The following DLGAP2 variants were observed in gnomAD, a reference collection of about 807,000 sequenced individuals.
DLGAP2 encodes disks large-associated protein 2.
In DLGAP2, 26 loss-of-function variants were observed where a neutral mutation model predicts 100.3. That is an observed-to-expected ratio of 0.26 (90% CI 0.19 to 0.36). The LOEUF is 0.36. Ranked by LOEUF, DLGAP2 falls within the 10% of genes least tolerant of loss-of-function variation. DLGAP2 has a pLI of 1.00. For missense variants in DLGAP2, 1,858 were observed against 1,453.2 expected, an observed-to-expected ratio of 1.28 and a Z score of -4.53; for synonymous variants, 886 against 630.1, an observed-to-expected ratio of 1.41 and a Z score of -6.08.
rs115027859 is a variant in DLGAP2, at chr8:1,049,259, A to G, written c.73+141293A>G. On this transcript the variant is annotated intron_variant, in intron 2 of 14. Transcript: ENST00000637795. ...AGTTTTATGCAAACGGGGGAAATGT[A>G]TAATAAAATGGCGAGTTTTATGCAA... Among the ~76,000 whole-genome samples the G allele has an allele frequency of 6.3e-3, 958 of 152,298 alleles. 14 individuals carry two copies. The highest frequency in any genetic ancestry group is 0.022 in the African/African-American group (904 of 41,554).
chr8:770,267 G>T (rs552630633), intron 1 of DLGAP2, among the ~76,000 whole-genome samples: 1 of 152,108 alleles, frequency 6.6e-6, no homozygotes, highest in Non-Finnish European at 1.5e-5. Flanking sequence ...CGTGCGTGGC[G>T]TGCGTGGCTC....
At chr8:1,222,169 A>C (rs952912247) in intron 2 of DLGAP2, among the ~76,000 whole-genome samples, 4 of 152,178 alleles carry the variant, frequency 2.6e-5, no homozygotes, top group African/African-American at 4.8e-5. Flanking sequence ...TTTTAGAGTT[A>C]CCAGAGTTGT....
rs566095806 is a variant in DLGAP2, at chr8:1,549,146, C to T, written c.693C>T (p.His231=). ...QRSESPGRIR[H]LVHSVQKLFT... ...GCGAGAGCCCCGGGCGGATCCGCCA[C>T]CTGGTACACTCCGTGCAGAAGCTCT... Residue 231 remains histidine (H), a synonymous_variant, in exon 5 of 15, where the codon CAC becomes CAT. Transcript: ENST00000637795. The T allele has an allele frequency of 6.3e-6, 10 of 1,594,278 alleles. No individual in the cohort carries two copies. The highest frequency in any genetic ancestry group is 2.3e-5 in the East Asian group (1 of 43,788).
chr8:1,292,884 C>T (rs1800092107), intron 3 of DLGAP2, among the ~76,000 whole-genome samples: 2 of 152,280 alleles, frequency 1.3e-5, no homozygotes, highest in South Asian at 4.2e-4. Context: ...ACAGTGCCCA[C>T]CCCGTGCGTG....
intron 2 of DLGAP2, among the ~76,000 whole-genome samples, chr8:1,161,516 A>C (rs937021981): frequency 2.0e-5 from 3 of 152,194 alleles, no homozygotes; most frequent in Admixed American, 2.0e-4. Context: ...GGGGGCCGGC[A>C]CAGGGAGAAG....
At chr8:877,856 C>T (rs1797714808) in intron 1 of DLGAP2, among the ~76,000 whole-genome samples, 1 of 152,236 alleles carries the variant, frequency 6.6e-6, no homozygotes, top group Non-Finnish European at 1.5e-5. Context: ...CCATAACCAT[C>T]TGCTTTTGTC....
chr8:1,251,588 G>A (rs1236016641), intron 2 of DLGAP2, among the ~76,000 whole-genome samples: 1 of 152,154 alleles, frequency 6.6e-6, no homozygotes, highest in East Asian at 1.9e-4. Context: ...TGCAAGCCAC[G>A]GTGCCTGGCT....
At chr8:1,475,861 A>T (rs1321055014) in intron 3 of DLGAP2, among the ~76,000 whole-genome samples, 1 of 152,102 alleles carries the variant, frequency 6.6e-6, no homozygotes, top group Admixed American at 6.5e-5. Context: ...TTCAGGTCCC[A>T]TTTCTTGTTT....
Position 812,516 on chromosome 8 carries a change from G to C in DLGAP2, c.18+74691G>C, listed in dbSNP as rs909569556. On this transcript the variant is annotated intron_variant, in intron 1 of 14. Coordinates refer to ENST00000637795, the MANE Select transcript of DLGAP2 (RefSeq NM_001346810.2). ...CTGCGTTGAGCGTGGGAGAAATCAG[G>C]TGTGGCATTTTGTGGCAAAGACAGT... Among the ~76,000 whole-genome samples the C allele has an allele frequency of 7.9e-5, 12 of 152,306 alleles. 1 individual carries two copies. The South Asian group carries it at 1.5e-3, about 18-fold the overall frequency.
chr8:1,369,514 C>G (rs1208142835), intron 3 of DLGAP2: 4 of 152,176 alleles, frequency 2.6e-5, no homozygotes, highest in Non-Finnish European at 4.4e-5. Context: ...GGTTTTGCAC[C>G]AAGAATTCCT....
chr8:833,995 C>T (rs1796827533), intron 1 of DLGAP2, among the ~76,000 whole-genome samples: 2 of 152,226 alleles, frequency 1.3e-5, no homozygotes, highest in South Asian at 4.1e-4. Context: ...TGGGCTCGCC[C>T]TTGTGTGGGA....
At chr8:1,454,592 T>C (rs1420230006) in intron 3 of DLGAP2, among the ~76,000 whole-genome samples, 1 of 152,150 alleles carries the variant, frequency 6.6e-6, no homozygotes, top group Non-Finnish European at 1.5e-5. Flanking sequence ...AAGCCAAGAT[T>C]CATCTCCATT....
intron 3 of DLGAP2, among the ~76,000 whole-genome samples, chr8:1,302,955 G>C (rs1800394705): frequency 6.6e-6 from 1 of 152,320 alleles, no homozygotes; most frequent in East Asian, 1.9e-4. Flanking sequence ...CACGTCCTTG[G>C]AGATTCCATC....
intron 3 of DLGAP2, among the ~76,000 whole-genome samples, chr8:1,344,131 G>GGTCCATGTATTCGGGGCCCTGTCGTGT (rs1801492967): frequency 8.9e-6 from 1 of 112,756 alleles, no homozygotes; most frequent in Non-Finnish European, 1.9e-5. Flanking sequence ...CCCTGTCGTG[G>GGTCCATGTATTCGGGGCCCTGTCGTGT]GTCCGTGTAC....
chr8:873,468 A>G (rs1196918858), intron 1 of DLGAP2, among the ~76,000 whole-genome samples: 1 of 152,194 alleles, frequency 6.6e-6, no homozygotes, highest in Admixed American at 6.5e-5. Flanking sequence ...TGTGGTTTTC[A>G]TAGATGCCTT....
chr8:974,466 G>A (rs754695154), intron 2 of DLGAP2, among the ~76,000 whole-genome samples: 15 of 152,040 alleles, frequency 9.9e-5, no homozygotes, highest in Non-Finnish European at 2.1e-4. Context: ...AAGCTTATAT[G>A]GAATATTCAT....
chr8:1,531,180 C>T (rs1406255718), intron 4 of DLGAP2, among the ~76,000 whole-genome samples: 1 of 151,698 alleles, frequency 6.6e-6, no homozygotes, highest in East Asian at 1.9e-4. Flanking sequence ...GCTAAAAAAG[C>T]AGGCAACTGG....
At chr8:1,553,512 T>C (rs1801853608) in intron 5 of DLGAP2, among the ~76,000 whole-genome samples, 2 of 152,384 alleles carry the variant, frequency 1.3e-5, no homozygotes, top group African/African-American at 4.8e-5. Flanking sequence ...CCCGTTAGAC[T>C]TTGGGTTTTA....
intron 3 of DLGAP2, among the ~76,000 whole-genome samples, chr8:1,287,937 A>C (rs1453195043): frequency 1.1e-5 from 1 of 92,456 alleles, no homozygotes; most frequent in Non-Finnish European, 2.0e-5. Context: ...GTTTTGGTTC[A>C]GCGTGTGTGT....
Sources: gnomAD v4.1 joint callset for allele counts (sites outside exome capture counted in the v4.1 genomes callset) on GRCh38, gnomAD v4.1.1 for gene constraint, MANE v1.5 for transcripts, NCBI Gene and HGNC (gene_info 2026-07-23, HGNC 2026-07-21) for gene names.